Variants in RIF1 observed in about 807,000 individuals in gnomAD.
The protein encoded by RIF1 is replication timing regulatory factor 1, also known as telomere-associated protein RIF1.
Under a neutral mutation model 247.1 loss-of-function variants are expected in RIF1, and 45 were observed. The ratio of observed to expected loss-of-function variants is 0.18; its 90% CI spans 0.14 to 0.23. The LOEUF is 0.23. Among genes scored for constraint, RIF1 ranks in the 10% least tolerant of loss-of-function variants. RIF1 has a pLI of 1.00. For missense variants in RIF1, 2,967 were observed against 2,862.5 expected (o/e 1.04, Z -0.83); for synonymous variants, 1,087 against 978.8 (o/e 1.11, Z -2.06).
intron 9 of RIF1, among the ~76,000 whole-genome samples, chr2:151,487,590 G>A (rs962093741): frequency 1.3e-5 from 2 of 151,702 alleles, no homozygotes; most frequent in Admixed American, 6.6e-5. Flanking sequence ...ATAATATCAC[G>A]AATTATTCAG....
At chr2:151,498,334 G>C (rs2061755430) in intron 10 of RIF1, 1 of 1,550,698 alleles carries the variant, frequency 6.4e-7, no homozygotes, top group Non-Finnish European at 8.7e-7. Flanking sequence ...CCTGTCCCCA[G>C]GTTTTCTTTG....
intron 9 of RIF1, among the ~76,000 whole-genome samples, chr2:151,432,464 A>T (rs1690344259): frequency 6.6e-6 from 1 of 152,212 alleles, no homozygotes; most frequent in South Asian, 2.1e-4. Flanking sequence ...AAGATAGGGC[A>T]GTCCTGAATC....
intron 9 of RIF1, among the ~76,000 whole-genome samples, chr2:151,488,478 CAAAA>C (rs567755362): frequency 3.1e-5 from 3 of 95,726 alleles, no homozygotes; most frequent in African/African-American, 7.7e-5. Flanking sequence ...GAGCCTCTAC[CAAAA>C]AAAAAAAAAA....
At position 151,465,487 on chromosome 2, in the gene RIF1, G is replaced by A. The variant is rs370318977; in HGVS notation, c.5967G>A (p.Glu1989=). The A allele has an allele frequency of 3.6e-5, 58 of 1,613,870 alleles. No homozygotes were observed. The highest frequency in any genetic ancestry group is 4.6e-5 in the Non-Finnish European group (54 of 1,179,998). Residue 1989 remains glutamate (E), a synonymous_variant, in exon 30 of 36, where the codon GAG becomes GAA. Transcript: ENST00000444746. ...CTGTAAAATTGAATGCTCAAACTGA[G>A]ATTTCTGAACAAACAGCAGCTGGGG... ...TTPVKLNAQT[E]ISEQTAAGEL...
intron 12 of RIF1, among the ~76,000 whole-genome samples, chr2:151,503,629 C>CTT (rs1471517688): frequency 6.6e-6 from 1 of 151,758 alleles, no homozygotes. Flanking sequence ...AAAATTTTTA[C>CTT]TACTTTGAAA....
At chr2:151,506,336 A>G (rs1409688927) in exon 13 of RIF1, 15 of 1,085,726 alleles carry the variant, frequency 1.4e-5, no homozygotes, top group Admixed American at 2.1e-5. Flanking sequence ...ACTAGGACAC[A>G]TGGCTTTTGT....
At chr2:151,520,039 CAA>C in the RIF1 span, 8,465 of 158,584 alleles carry the variant, frequency 0.053, 171 homozygotes, top group East Asian at 0.23. Flanking sequence ...TAATGCAAAA[CAA>C]AAAAAAAAAA....
chr2:151,417,767 A>G (rs1687465577), intron 6 of RIF1, among the ~76,000 whole-genome samples: 2 of 152,218 alleles, frequency 1.3e-5, no homozygotes, highest in South Asian at 4.1e-4. Context: ...ATGGGAATAC[A>G]TTCTGAGGAA....
the RIF1 span, among the ~76,000 whole-genome samples, chr2:151,528,350 A>T: frequency 6.6e-6 from 1 of 152,214 alleles, no homozygotes; most frequent in Non-Finnish European, 1.5e-5. Flanking sequence ...TACAATGCAC[A>T]TGCTTTTATG....
At chr2:151,417,210 A>G (rs1010709091) in intron 6 of RIF1, among the ~76,000 whole-genome samples, 1 of 152,092 alleles carries the variant, frequency 6.6e-6, no homozygotes, top group African/African-American at 2.4e-5. Flanking sequence ...AATAATGTAA[A>G]CTCATAAGTG....
chr2:151,485,659 C>A, downstream of RIF1: 1 of 1,178,696 alleles, frequency 8.5e-7, no homozygotes, highest in South Asian at 1.8e-5. Flanking sequence ...ACAGAAAAAC[C>A]ATAGGCAGCT....
chr2:151,520,316 T>C, the RIF1 span, among the ~76,000 whole-genome samples: 3 of 152,238 alleles, frequency 2.0e-5, no homozygotes, highest in Admixed American at 6.5e-5. Context: ...TAAACAAATA[T>C]GAGAGTTTGG....
the RIF1 span, among the ~76,000 whole-genome samples, chr2:151,519,281 A>T: frequency 6.6e-6 from 1 of 152,232 alleles, no homozygotes; most frequent in Non-Finnish European, 1.5e-5. Context: ...ATACAATGGA[A>T]TATTATTTAG....
the RIF1 span, chr2:151,514,571 G>C: frequency 1.4e-6 from 1 of 698,518 alleles, no homozygotes; most frequent in Non-Finnish European, 2.5e-6. Context: ...CAGGGTATAA[G>C]CATGATCAGT....
At chr2:151,422,252 T>C (rs1688314566) in intron 7 of RIF1, among the ~76,000 whole-genome samples, 1 of 152,182 alleles carries the variant, frequency 6.6e-6, no homozygotes. Flanking sequence ...TAATGTATTT[T>C]TTCATTATTG....
chr2:151,483,507 C>CT (rs1407817873), downstream of RIF1, among the ~76,000 whole-genome samples: 9 of 152,024 alleles, frequency 5.9e-5, no homozygotes, highest in African/African-American at 2.2e-4. Flanking sequence ...ATTTTTGAGG[C>CT]TAGTTGGTGG....
Position 151,468,477 on chromosome 2 carries a change from A to G in RIF1, c.6751A>G (p.Asn2251Asp). 2.5e-6 allele frequency: 4 copies of G among 1,611,402 alleles called. No homozygotes were observed. The highest frequency in any genetic ancestry group is 3.4e-6 in the Non-Finnish European group (4 of 1,177,552). ...KTSPTTQSKH[N>D]TTSAKGFLSP... Reference sequence around the variant, plus strand: ...TTCTCTCCTTTCTTCTATCTAGCATAATACCACTTCAGCCAAAGGATTTCT... The same window carrying G: ...TTCTCTCCTTTCTTCTATCTAGCATGATACCACTTCAGCCAAAGGATTTCT... The change falls in exon 32 of 36, where the codon AAT (asparagine) becomes GAT (aspartate). Residue 2251 changes from asparagine (N) to aspartate (D), a missense_variant. Physicochemically the swap from Asn to Asp is conservative, Grantham distance 23. Coordinates refer to ENST00000444746, the MANE Select transcript of RIF1 (RefSeq NM_018151.5).
At chr2:151,505,415 C>A in intron 12 of RIF1, 1 of 1,347,620 alleles carries the variant, frequency 7.4e-7, no homozygotes, top group South Asian at 1.2e-5. Context: ...GATGAGAGAG[C>A]ACCAGGGTAG....
At chr2:151,433,323 T>G in intron 10 of RIF1, 95 bp downstream of exon 10, 1 of 968,172 alleles carries the variant, frequency 1.0e-6, no homozygotes, top group East Asian at 2.5e-5. Flanking sequence ...TTTTTGCTAT[T>G]TATTAGCAGA....
Sources: allele counts gnomAD v4.1 joint callset (sites outside exome capture counted in the v4.1 genomes callset), GRCh38; gene constraint gnomAD v4.1.1; transcripts MANE v1.5; gene names NCBI Gene and HGNC (gene_info 2026-07-23, HGNC 2026-07-21).